SPOCK1: variants seen among roughly 807,000 people sequenced by gnomAD.
The protein encoded by SPOCK1 is SPARC (osteonectin), cwcv and kazal like domains proteoglycan 1.
In SPOCK1, 23 loss-of-function variants were observed where a neutral mutation model predicts 55.3. The ratio of observed to expected loss-of-function variants is 0.42; its 90% CI spans 0.30 to 0.59. SPOCK1 has a LOEUF of 0.59. Among genes scored for constraint, SPOCK1 ranks in the 20% least tolerant of loss-of-function variants. SPOCK1 has a pLI of 0.22. For missense variants in SPOCK1, 499 were observed against 552.5 expected (o/e 0.90, Z 0.97); for synonymous variants, 226 against 221.0 (o/e 1.02, Z -0.20).
In SPOCK1 at chr5:137,289,299, A is replaced by G. The variant is rs1328276102; in HGVS notation, c.187-22244T>C. 4.6e-5 allele frequency among the ~76,000 whole-genome samples: 7 copies of G among 152,196 alleles called. No homozygotes were observed. In the East Asian group the frequency reaches 1.2e-3, roughly 25 times the overall value. On this transcript the variant is annotated intron_variant, in intron 2 of 10. Transcript: ENST00000394945. ...TTTTTCTTTCCAAGGCCTGCTCATC[A>G]TATAACTATTTTAAGGGAAAATGGT... is the stretch of plus-strand genomic sequence containing the variant.
intron 2 of SPOCK1, among the ~76,000 whole-genome samples, chr5:137,287,056 A>G (rs1280819177): frequency 6.6e-6 from 1 of 152,190 alleles, no homozygotes; most frequent in African/African-American, 2.4e-5. Context: ...GTTAACCTGG[A>G]AGAAAAATAG....
chr5:137,170,530 A>G (rs1016288195), intron 3 of SPOCK1, among the ~76,000 whole-genome samples: 1 of 152,086 alleles, frequency 6.6e-6, no homozygotes, highest in South Asian at 2.1e-4. Context: ...AAGTAGAGCT[A>G]CCATGATCAC....
intron 2 of SPOCK1, among the ~76,000 whole-genome samples, chr5:137,435,222 A>T (rs1752834997): frequency 6.6e-6 from 1 of 152,228 alleles, no homozygotes; most frequent in Non-Finnish European, 1.5e-5. Context: ...ACTGACTTAC[A>T]TTCACATAGA....
chr5:137,294,444 G>GTTGA (rs1757437811), intron 2 of SPOCK1, among the ~76,000 whole-genome samples: 1 of 152,178 alleles, frequency 6.6e-6, no homozygotes, highest in Non-Finnish European at 1.5e-5. Flanking sequence ...GGCTGGCCAG[G>GTTGA]ACACAGTCAA....
chr5:137,493,786 C>T (rs1754239923), intron 2 of SPOCK1, among the ~76,000 whole-genome samples: 1 of 152,148 alleles, frequency 6.6e-6, no homozygotes, highest in Admixed American at 6.5e-5. Flanking sequence ...ATGACTGATC[C>T]ACTAAGCCAT....
intron 2 of SPOCK1, among the ~76,000 whole-genome samples, chr5:137,319,272 C>T (rs1006188220): frequency 6.6e-6 from 1 of 152,168 alleles, no homozygotes; most frequent in African/African-American, 2.4e-5. Context: ...AGGTAAAAAC[C>T]CATATAATTC....
At chr5:137,150,418 C>A (rs894785429) in intron 3 of SPOCK1, among the ~76,000 whole-genome samples, 8 of 152,100 alleles carry the variant, frequency 5.3e-5, no homozygotes, top group African/African-American at 1.9e-4. Context: ...GAGCCTTGTA[C>A]ACAAACCTAC....
intron 3 of SPOCK1, among the ~76,000 whole-genome samples, chr5:137,142,362 G>C (rs1754116859): frequency 6.6e-6 from 1 of 152,172 alleles, no homozygotes; most frequent in Non-Finnish European, 1.5e-5. Flanking sequence ...TCAAATGCCT[G>C]CTGCGAATTT....
At chr5:137,064,680 A>G (rs1001605761) in intron 6 of SPOCK1, among the ~76,000 whole-genome samples, 17 of 152,096 alleles carry the variant, frequency 1.1e-4, no homozygotes, top group Admixed American at 9.2e-4. Flanking sequence ...TCTCCCTTGT[A>G]CCCATGCCCT....
intron 3 of SPOCK1, among the ~76,000 whole-genome samples, chr5:137,219,881 T>A (rs1259533106): frequency 6.6e-6 from 1 of 152,194 alleles, no homozygotes; most frequent in Non-Finnish European, 1.5e-5. Flanking sequence ...AGAGCTGCTT[T>A]GCCTCCTTAG....
intron 5 of SPOCK1, among the ~76,000 whole-genome samples, chr5:137,099,728 TTA>T (rs376264733): frequency 2.7e-3 from 415 of 152,154 alleles, no homozygotes; most frequent in African/African-American, 9.5e-3. Context: ...GGTCTTGGAT[TTA>T]TGTTTGTGGT....
chr5:137,388,898 G>A (rs1411410703), intron 2 of SPOCK1, among the ~76,000 whole-genome samples: 1 of 152,224 alleles, frequency 6.6e-6, no homozygotes, highest in Non-Finnish European at 1.5e-5. Flanking sequence ...GAAAAGGGCT[G>A]CAGAAGAGAG....
intron 2 of SPOCK1, among the ~76,000 whole-genome samples, chr5:137,454,434 C>T (rs1286517860): frequency 1.3e-5 from 2 of 152,150 alleles, no homozygotes; most frequent in Non-Finnish European, 2.9e-5. Context: ...TTTAAAATCT[C>T]TTTTACATAA....
intron 3 of SPOCK1, among the ~76,000 whole-genome samples, chr5:137,157,487 G>A (rs191657894): frequency 1.9e-3 from 285 of 152,190 alleles, no homozygotes; most frequent in South Asian, 5.8e-3. Context: ...TAAGTGTGCC[G>A]TCTAAATGCT....
intron 3 of SPOCK1, among the ~76,000 whole-genome samples, chr5:137,203,177 C>T (rs1755457152): frequency 6.6e-6 from 1 of 151,984 alleles, no homozygotes; most frequent in Non-Finnish European, 1.5e-5. Context: ...TCTTTTAATG[C>T]TCTAAATGTG....
At chr5:137,077,393 GA>G (rs1422523020) in intron 5 of SPOCK1, among the ~76,000 whole-genome samples, 1 of 152,244 alleles carries the variant, frequency 6.6e-6, no homozygotes, top group African/African-American at 2.4e-5. Flanking sequence ...AAGGGAGAGA[GA>G]ACAGGAGGTG....
chr5:136,975,494 G>T lies in SPOCK1; in HGVS notation c.*3160C>A, dbSNP rs1217289621. The T allele has an allele frequency of 6.5e-6, 1 of 152,728 alleles. No homozygotes were observed. Among genetic ancestry groups the T allele is most frequent in the Admixed American group, 6.5e-5 (1 of 15,310 alleles). 9.5% of individuals were successfully genotyped at this position (152,728 alleles called of 1,614,324 possible). ...GACAACAAACTGACACTCAGGATTT[G>T]ATGGGCTCTCATTACAATGCTATAC... On this transcript the variant is annotated 3_prime_UTR_variant, in exon 11 of 11. Coordinates refer to ENST00000394945, the MANE Select transcript of SPOCK1 (RefSeq NM_004598.4).
At chr5:137,138,715 A>C (rs1458587352) in intron 4 of SPOCK1, among the ~76,000 whole-genome samples, 3 of 140,240 alleles carry the variant, frequency 2.1e-5, no homozygotes, top group Non-Finnish European at 4.7e-5. Flanking sequence ...CCCCCCCCCA[A>C]AAAAAAGTGG....
chr5:137,385,493 A>G (rs1458427784), intron 2 of SPOCK1, among the ~76,000 whole-genome samples: 1 of 152,234 alleles, frequency 6.6e-6, no homozygotes. Context: ...ACCAGCAAAT[A>G]GTACATGGTC....
Sources: allele counts gnomAD v4.1 joint callset (sites outside exome capture counted in the v4.1 genomes callset), GRCh38; gene constraint gnomAD v4.1.1; transcripts MANE v1.5; gene names NCBI Gene and HGNC (gene_info 2026-07-23, HGNC 2026-07-21).